The following BCAS3 variants were observed in gnomAD, a reference collection of about 807,000 sequenced individuals.
BCAS3 encodes BCAS4/BCAS3 fusion.
Under a neutral mutation model 116.1 loss-of-function variants are expected in BCAS3, and 53 were observed. The ratio of observed to expected loss-of-function variants is 0.46; its 90% CI spans 0.37 to 0.57. The LOEUF (loss-of-function observed/expected upper bound fraction) is 0.57, where lower values mean the gene tolerates loss of function less well. Ranked by LOEUF, BCAS3 falls within the 20% of genes least tolerant of loss-of-function variation. The pLI, the probability that BCAS3 is intolerant of heterozygous loss-of-function variation, is 0.00. For missense variants in BCAS3, 917 were observed against 1,165.4 expected (o/e 0.79, Z 3.10); for synonymous variants, 391 against 408.2 (o/e 0.96, Z 0.51).
intron 19 of BCAS3, among the ~76,000 whole-genome samples, chr17:61,060,662 A>T (rs187452333): frequency 2.6e-5 from 4 of 152,330 alleles, no homozygotes; most frequent in South Asian, 2.1e-4. Context: ...AATAGTTTTT[A>T]AAAAAATTAT....
chr17:61,336,855 G>A (rs977905625), intron 22 of BCAS3, among the ~76,000 whole-genome samples: 1 of 152,188 alleles, frequency 6.6e-6, no homozygotes, highest in Admixed American at 6.5e-5. Flanking sequence ...GCTCACACCT[G>A]TAATCCCAGC....
Position 61,344,665 on chromosome 17 carries a change from T to C in BCAS3, c.2426-23662T>C, listed in dbSNP as rs768510911. On this transcript the variant is annotated intron_variant, in intron 22 of 23. Transcript: ENST00000407086. This position sits in a 1 kb window ranked among gnomAD's most constrained non-coding sequence, Gnocchi z 4.1. ...AGAAAAGGCTTCCCAGAAGTTCGAT[T>C]TAAGCTGCAGTTGAGGGATGAGCAA... 2.6e-5 allele frequency among the ~76,000 whole-genome samples: 4 copies of C among 152,054 alleles called. No individual in the cohort carries two copies. The highest frequency in any genetic ancestry group is 5.9e-5 in the Non-Finnish European group (4 of 68,008).
chr17:60,737,139 C>T (rs1172593499), intron 5 of BCAS3, among the ~76,000 whole-genome samples: 4 of 152,124 alleles, frequency 2.6e-5, no homozygotes, highest in Admixed American at 2.0e-4. Flanking sequence ...AGTGTTTCGC[C>T]ATGTTGGCCA....
In BCAS3 at chr17:61,222,771, G is replaced by T. The variant is rs1602000865; in HGVS notation, c.2425+138207G>T. ...CGACTCCAGGTCGATTCGTCTGCCT[G>T]TTGGCTTTTTTGATTTTTGCTTTGA... On this transcript the variant is annotated intron_variant, in intron 22 of 23. Coordinates refer to ENST00000407086, the MANE Select transcript of BCAS3 (RefSeq NM_017679.5). This position sits in a 1 kb window ranked among gnomAD's most constrained non-coding sequence, Gnocchi z 6.1. 1.3e-5 allele frequency among the ~76,000 whole-genome samples: 2 copies of T among 152,324 alleles called. No homozygotes were observed. Among genetic ancestry groups the T allele is most frequent in the East Asian group, 1.9e-4 (1 of 5,182 alleles).
intron 14 of BCAS3, among the ~76,000 whole-genome samples, chr17:60,970,524 G>C (rs7224731): frequency 0.069 from 10,483 of 152,028 alleles, 1,065 homozygotes; most frequent in African/African-American, 0.22. Flanking sequence ...AGAAACATAA[G>C]AATATTGGAA....
intron 6 of BCAS3, among the ~76,000 whole-genome samples, chr17:60,759,427 T>G (rs1221911882): frequency 6.6e-6 from 1 of 152,170 alleles, no homozygotes; most frequent in Non-Finnish European, 1.5e-5. Flanking sequence ...GTTTCATTGT[T>G]GATTTTCTGT....
chr17:61,031,203 G>A (rs1002146139), intron 16 of BCAS3, among the ~76,000 whole-genome samples: 1 of 151,998 alleles, frequency 6.6e-6, no homozygotes, highest in African/African-American at 2.4e-5. Flanking sequence ...GTTAGCATTG[G>A]AGTGCTTTCC....
chr17:60,874,195 T>A (rs117758095), intron 8 of BCAS3, among the ~76,000 whole-genome samples: 7 of 151,566 alleles, frequency 4.6e-5, no homozygotes, highest in Admixed American at 4.6e-4. Flanking sequence ...GCCTCCTGAG[T>A]AACTAGGACT....
In BCAS3 at chr17:61,352,520, T is replaced by C. The variant is rs1034515850; in HGVS notation, c.2426-15807T>C. ...GCTAGGGAAATGAATAACATCCTGG[T>C]TGGCCTCGGTGGAGTAGAAGTGGAG... On this transcript the variant is annotated intron_variant, in intron 22 of 23. Transcript: ENST00000407086. This position sits in a 1 kb window ranked among gnomAD's most constrained non-coding sequence, Gnocchi z 4.7. Among the ~76,000 whole-genome samples the C allele has an allele frequency of 2.0e-5, 3 of 152,134 alleles. No individual in the cohort carries two copies. Among genetic ancestry groups the C allele is most frequent in the African/African-American group, 4.8e-5 (2 of 41,440 alleles).
chr17:60,997,416 G>A (rs371169524), intron 15 of BCAS3, among the ~76,000 whole-genome samples: 1 of 152,198 alleles, frequency 6.6e-6, no homozygotes, highest in East Asian at 1.9e-4. Context: ...GAGGATTGAT[G>A]TAAGGGGAAG....
At chr17:61,070,031 T>C (rs561314095) in intron 19 of BCAS3, 3 of 1,595,604 alleles carry the variant, frequency 1.9e-6, no homozygotes, top group Non-Finnish European at 2.6e-6. Context: ...ACACTGCGAC[T>C]CTGGAGACAG....
chr17:61,295,243 A>G (rs2052778506), intron 22 of BCAS3, among the ~76,000 whole-genome samples: 1 of 152,206 alleles, frequency 6.6e-6, no homozygotes, highest in Admixed American at 6.5e-5. Flanking sequence ...GTGCTGGATT[A>G]CTAGGGAGCC....
At chr17:60,763,663 T>G (rs1441973763) in intron 6 of BCAS3, among the ~76,000 whole-genome samples, 1 of 151,952 alleles carries the variant, frequency 6.6e-6, no homozygotes, top group Non-Finnish European at 1.5e-5. Flanking sequence ...TTCTCTTTTT[T>G]TGTTGTGTCT....
intron 22 of BCAS3, among the ~76,000 whole-genome samples, chr17:61,179,635 CTA>C: frequency 6.6e-6 from 1 of 152,320 alleles, no homozygotes; most frequent in Non-Finnish European, 1.5e-5. Flanking sequence ...TCCTAACCCT[CTA>C]TCTCTTGCCT....
chr17:61,273,366 G>T (rs547854312), intron 22 of BCAS3, among the ~76,000 whole-genome samples: 2 of 152,036 alleles, frequency 1.3e-5, no homozygotes, highest in South Asian at 4.2e-4. Context: ...ATATAATGCT[G>T]CATTTAAAAA....
chr17:60,718,689 T>C (rs1164106635), intron 5 of BCAS3, among the ~76,000 whole-genome samples: 1 of 152,194 alleles, frequency 6.6e-6, no homozygotes, highest in Non-Finnish European at 1.5e-5. Context: ...TGACTAATAA[T>C]GTGGAGTACT....
intron 14 of BCAS3, among the ~76,000 whole-genome samples, chr17:60,952,425 T>C (rs1395604109): frequency 6.6e-6 from 1 of 152,078 alleles, no homozygotes; most frequent in African/African-American, 2.4e-5. Flanking sequence ...GTTCGAGTGA[T>C]TCTCCTGTCT....
At chr17:60,725,454 G>A (rs897088143) in intron 5 of BCAS3, among the ~76,000 whole-genome samples, 1 of 152,108 alleles carries the variant, frequency 6.6e-6, no homozygotes, top group Admixed American at 6.6e-5. Context: ...TCTATGTCAA[G>A]TATTACGAGA....
chr17:60,766,998 G>A (rs544867877), intron 6 of BCAS3, among the ~76,000 whole-genome samples: 11 of 152,322 alleles, frequency 7.2e-5, no homozygotes, highest in Admixed American at 6.5e-4. Flanking sequence ...CATTGGACCC[G>A]CAGAGCCAGG....
Sources: gnomAD v4.1 joint callset for allele counts (sites outside exome capture counted in the v4.1 genomes callset) on GRCh38, gnomAD v4.1.1 for gene constraint, Gnocchi (gnomAD v3.1) non-coding constraint, MANE v1.5 for transcripts, NCBI Gene and HGNC (gene_info 2026-07-23, HGNC 2026-07-21) for gene names.